Variants in RPGR observed in about 807,000 individuals in gnomAD.
The protein encoded by RPGR is retinitis pigmentosa GTPase regulator.
Under a neutral mutation model 56.3 loss-of-function variants are expected in RPGR, and 10 were observed. The ratio of observed to expected loss-of-function variants is 0.18; its 90% CI spans 0.11 to 0.30. RPGR has a LOEUF of 0.30. RPGR is among the 10% of genes least tolerant of loss of function. The probability of loss-of-function intolerance (pLI) is 1.00; values close to 1 mark genes in which losing one functional copy is unlikely to be tolerated. For synonymous variants in RPGR, 197 were observed against 212.9 expected, an observed-to-expected ratio of 0.93 and a Z score of 0.65; for missense variants, 538 against 590.9, an observed-to-expected ratio of 0.91 and a Z score of 0.93.
chrX:38,285,847 T>TC, intron 15 of RPGR: 1 of 1,206,169 alleles, frequency 8.3e-7, no homozygotes, highest in Non-Finnish European at 1.1e-6. Flanking sequence ...TTCTTCTCCT[T>TC]CCCCCTCCTT....
intron 10 of RPGR, among the ~76,000 whole-genome samples, chrX:38,297,814 A>G (rs182884045): frequency 0.019 from 2,186 of 112,213 alleles, 54 homozygotes; most frequent in African/African-American, 0.067. Flanking sequence ...TTTTCATAAT[A>G]AAACACCAGA....
Position 38,275,094 on chromosome X carries a change from G to C in RPGR, c.2144C>G (p.Pro715Arg). 1 of 1,206,822 alleles carries C rather than the reference G, an allele frequency of 8.3e-7. No individual in the cohort carries two copies. The highest frequency in any genetic ancestry group is 1.1e-6 in the Non-Finnish European group (1 of 891,480). The change falls in exon 17 of 19, where the codon CCA becomes CGA. Residue 715 changes from proline to arginine, a missense_variant. Physicochemically the swap from Pro to Arg is moderately radical, Grantham distance 103 (BLOSUM62 -2). Coordinates refer to ENST00000642395, the MANE Select transcript of RPGR (RefSeq NM_000328.3). ...GTTATCAAATGTGCTCATACCTTTT[G>C]GGTTTTCATTGTACTCACAAATGGC... is the stretch of plus-strand genomic sequence containing the variant.
At chrX:38,273,580 C>G in intron 17 of RPGR, 3 of 575,374 alleles carry the variant, frequency 5.2e-6, no homozygotes, top group Non-Finnish European at 8.5e-6. Flanking sequence ...TGGGGTAATA[C>G]GAAAAGAGCT....
In RPGR at chrX:38,287,882, C is replaced by G. The variant is rs779494768; in HGVS notation, c.1732G>C (p.Ala578Pro). 1.7e-6 allele frequency: 2 copies of G among 1,210,637 alleles called. No homozygotes were observed. Among genetic ancestry groups the G allele is most frequent in the Admixed American group, 4.3e-5 (2 of 45,985 alleles). ...TTACCTACTTCCTCATCTGAAAATG[C>G]TTCGATAGTCGTAGCTGGCTGCGTC... Residue 578 changes from alanine to proline, a missense_variant, in exon 14 of 19, where the codon GCA (alanine) becomes CCA (proline). Around this residue, in one of 2 missense-constraint regions of RPGR, gnomAD observed 357 missense variants for 325.8 expected, o/e 1.10. Coordinates refer to ENST00000642395, the MANE Select transcript of RPGR (RefSeq NM_000328.3).
Position 38,313,551 on chromosome X carries a change from C to T in RPGR, c.620-2778G>A, listed in dbSNP as rs140300498. Among the ~76,000 whole-genome samples the T allele has an allele frequency of 6.2e-3, 699 of 112,343 alleles. 6 individuals are homozygous for T. Among genetic ancestry groups the T allele is most frequent in the Middle Eastern group, 0.028 (6 of 218 alleles). On this transcript the variant is annotated intron_variant, in intron 6 of 18. Transcript: ENST00000642395. ...GCCTGGTCATTATTAGTTGCTACCA[C>T]ATCCTCCTCTTCCTCTTGTATATGG...
intron 6 of RPGR, among the ~76,000 whole-genome samples, chrX:38,314,613 G>C (rs2067783359): frequency 9.0e-6 from 1 of 111,577 alleles, no homozygotes; most frequent in African/African-American, 3.3e-5. Flanking sequence ...CAGATGAAAA[G>C]ACACAGCAAT....
chrX:38,305,259 C>T (rs1402579423), intron 7 of RPGR, among the ~76,000 whole-genome samples: 1 of 110,931 alleles, frequency 9.0e-6, no homozygotes, highest in Non-Finnish European at 1.9e-5. Context: ...ACTAAAATTA[C>T]AAAAATTAGT....
chrX:38,287,428 T>G, intron 14 of RPGR, 183 bp from the exon 15 acceptor site: 1 of 697,733 alleles, frequency 1.4e-6, no homozygotes, highest in Non-Finnish European at 2.3e-6. Context: ...CTGGAATCCA[T>G]CAGCTATACC....
intron 18 of RPGR, chrX:38,269,938 A>G: frequency 1.7e-6 from 1 of 581,806 alleles, no homozygotes; most frequent in Admixed American, 2.7e-5. Context: ...TGATTTTGTC[A>G]TCTCTTTATG....
chrX:38,277,895 G>A (rs987846953), intron 15 of RPGR, among the ~76,000 whole-genome samples: 3 of 112,077 alleles, frequency 2.7e-5, no homozygotes, highest in Non-Finnish European at 5.6e-5. Flanking sequence ...GTCCAGGCTA[G>A]GAAGAGGATG....
chrX:38,274,548 C>T, intron 17 of RPGR, among the ~76,000 whole-genome samples: 1 of 112,629 alleles, frequency 8.9e-6, no homozygotes, highest in Non-Finnish European at 1.9e-5. Context: ...GGTGTGGTGG[C>T]TCATGCCTGT....
intron 9 of RPGR, 48 bp from the exon 10 acceptor site, chrX:38,299,189 CA>C (rs1280793607): frequency 2.6e-6 from 3 of 1,153,341 alleles, no homozygotes; most frequent in Non-Finnish European, 3.5e-6. Context: ...GCTTCAAACA[CA>C]AATGAGTTTT....
chrX:38,270,149 A>G (rs994029011), intron 18 of RPGR, among the ~76,000 whole-genome samples: 5 of 111,405 alleles, frequency 4.5e-5, no homozygotes, highest in Non-Finnish European at 1.9e-5. Flanking sequence ...AATATATAAA[A>G]ACCTATTTAA....
intron 15 of RPGR, chrX:38,286,309 T>TCTTCTCCCTCCC: frequency 1.5e-6 from 1 of 648,074 alleles, no homozygotes; most frequent in Non-Finnish European, 1.9e-6. Flanking sequence ...TCCTTCCTCC[T>TCTTCTCCCTCCC]CTTCTCCCTC....
chrX:38,297,531 T>G, intron 10 of RPGR, 79 bp from the exon 11 acceptor site: 1 of 877,881 alleles, frequency 1.1e-6, no homozygotes, highest in Non-Finnish European at 1.6e-6. Flanking sequence ...TAAAAGTTGC[T>G]AAAATATTTA....
At position 38,275,349 on chromosome X, in the gene RPGR, G is replaced by T. The variant is rs776671795; in HGVS notation, c.2092-203C>A. ...GCAAATGTCCTCCTAGCTTAAAATT[G>T]TGTGATTAAAAAAACTGTATGACTC... is the stretch of plus-strand genomic sequence containing the variant. On this transcript the variant is annotated intron_variant, in intron 16 of 18. Transcript: ENST00000642395. Among the ~76,000 whole-genome samples, 26 of 111,487 alleles carry T rather than the reference G, an allele frequency of 2.3e-4. No homozygotes were observed. The South Asian group carries it at 9.8e-3, about 42-fold the overall frequency.
At chrX:38,298,080 C>T (rs1057114993) in intron 10 of RPGR, among the ~76,000 whole-genome samples, 14 of 109,929 alleles carry the variant, frequency 1.3e-4, no homozygotes, top group African/African-American at 4.3e-4. Context: ...CCAGCCTGGC[C>T]AGCATGGTGA....
chrX:38,277,374 G>A (rs2066954612), intron 15 of RPGR, among the ~76,000 whole-genome samples: 1 of 111,628 alleles, frequency 9.0e-6, no homozygotes, highest in Non-Finnish European at 1.9e-5. Context: ...GATAAAAGAG[G>A]CTGTCTATGG....
At chrX:38,301,439 A>C in intron 8 of RPGR, 68 bp from the exon 9 acceptor site, 1 of 979,155 alleles carries the variant, frequency 1.0e-6, no homozygotes, top group Non-Finnish European at 1.4e-6. Context: ...GTAAACAGAT[A>C]AACATGTTAA....
Sources: gnomAD v4.1 joint callset for allele counts (sites outside exome capture counted in the v4.1 genomes callset) on GRCh38, gnomAD v4.1.1 for gene constraint, gnomAD v4.1.1 regional missense constraint, MANE v1.5 for transcripts, NCBI Gene and HGNC (gene_info 2026-07-23, HGNC 2026-07-21) for gene names.